The following ANOS1 variants were observed in gnomAD, a reference collection of about 807,000 sequenced individuals.
ANOS1 encodes the protein anosmin-1.
In ANOS1, 6 loss-of-function variants were observed where a neutral mutation model predicts 59.0. That is an observed-to-expected ratio of 0.10 (90% CI 0.06 to 0.20). The LOEUF (loss-of-function observed/expected upper bound fraction) is 0.20, where lower values mean the gene tolerates loss of function less well. Ranked by LOEUF, ANOS1 falls within the 10% of genes least tolerant of loss-of-function variation. The pLI is 1.00. For missense variants in ANOS1, 433 were observed against 542.3 expected (o/e 0.80, Z 2.00); for synonymous variants, 217 against 223.4 (o/e 0.97, Z 0.25).
At chrX:8,548,097 C>T (rs1482348652) in intron 9 of ANOS1, among the ~76,000 whole-genome samples, 3 of 112,408 alleles carry the variant, frequency 2.7e-5, no homozygotes, top group Admixed American at 9.4e-5. Context: ...CATCTAAAGA[C>T]TCTTATTACT....
chrX:8,572,536 GA>G (rs1293235203), intron 6 of ANOS1, among the ~76,000 whole-genome samples: 3 of 112,129 alleles, frequency 2.7e-5, no homozygotes, highest in Non-Finnish European at 3.8e-5. Context: ...GTCTACTGTT[GA>G]TGGGCATTTG....
At chrX:8,608,107 G>T (rs1930974810) in intron 3 of ANOS1, among the ~76,000 whole-genome samples, 1 of 111,583 alleles carries the variant, frequency 9.0e-6, no homozygotes, top group African/African-American at 3.3e-5. Flanking sequence ...GTACAATTTG[G>T]GGGGCAAAAT....
At chrX:8,727,738 C>A (rs1037153337) in intron 1 of ANOS1, among the ~76,000 whole-genome samples, 1 of 112,368 alleles carries the variant, frequency 8.9e-6, no homozygotes, top group South Asian at 3.7e-4. Flanking sequence ...GTTCCCTGGG[C>A]ACACCCCAAA....
chrX:8,585,214 G>A, intron 6 of ANOS1, 53 bp downstream of exon 6: 1 of 1,160,842 alleles, frequency 8.6e-7, no homozygotes, highest in Non-Finnish European at 1.2e-6. Flanking sequence ...CATTCCATGT[G>A]TGCCTGGTAG....
At chrX:8,587,724 T>C in intron 5 of ANOS1, 70 bp downstream of exon 5, 1 of 896,284 alleles carries the variant, frequency 1.1e-6, no homozygotes, top group Admixed American at 2.6e-5. Flanking sequence ...AGCAAGTTAA[T>C]TTTTTGTGCG....
chrX:8,578,111 G>A (rs895350982), intron 6 of ANOS1, among the ~76,000 whole-genome samples: 25 of 110,769 alleles, frequency 2.3e-4, no homozygotes, highest in African/African-American at 6.9e-4. Flanking sequence ...ATTAAACTTC[G>A]CACTGAAACG....
At chrX:8,699,370 AT>A (rs1932729349) in intron 2 of ANOS1, among the ~76,000 whole-genome samples, 1 of 112,024 alleles carries the variant, frequency 8.9e-6, no homozygotes, top group Non-Finnish European at 1.9e-5. Flanking sequence ...ACCAGAGGGC[AT>A]TTTCTTCTTA....
chrX:8,593,768 T>C lies in ANOS1; in HGVS notation c.541+3266A>G, dbSNP rs529217169. Among the ~76,000 whole-genome samples, 27 of 111,222 alleles carry C rather than the reference T, an allele frequency of 2.4e-4. 1 individual carries two copies. The South Asian group carries it at 0.01, about 43-fold the overall frequency. ...GGCTCATTGTAACCTCGAATTCCTG[T>C]GCTCAAATGATCCTCCCACCTCAGC... On this transcript the variant is annotated intron_variant, in intron 4 of 13. Transcript: ENST00000262648.
At chrX:8,664,550 TC>T (rs758913972) in intron 2 of ANOS1, among the ~76,000 whole-genome samples, 1 of 110,192 alleles carries the variant, frequency 9.1e-6, no homozygotes, top group Non-Finnish European at 1.9e-5. Flanking sequence ...ATACAGAAAT[TC>T]CAGCCACTAC....
At position 8,714,527 on chromosome X, in the gene ANOS1, G is replaced by A. The variant is rs781530329; in HGVS notation, c.208-14782C>T. ...AAAAATCTAATTGAAAAAACGTACC[G>A]TGCCCCAGAGATAAAAACTATTATT... On this transcript the variant is annotated intron_variant, in intron 1 of 13. Transcript: ENST00000262648. 4.5e-5 allele frequency among the ~76,000 whole-genome samples: 5 copies of A among 110,881 alleles called. No homozygotes were observed. The East Asian group carries it at 1.1e-3, about 25-fold the overall frequency.
At chrX:8,544,070 A>G (rs1225007058) in intron 9 of ANOS1, among the ~76,000 whole-genome samples, 51 of 109,445 alleles carry the variant, frequency 4.7e-4, no homozygotes, top group Non-Finnish European at 8.2e-4. Context: ...TTCAAAAATT[A>G]GATGGGTCTA....
chrX:8,705,178 T>C (rs372036305), intron 1 of ANOS1, among the ~76,000 whole-genome samples: 8 of 111,396 alleles, frequency 7.2e-5, no homozygotes, highest in African/African-American at 2.3e-4. Flanking sequence ...TTGCGGATTG[T>C]TCACCATTTT....
intron 3 of ANOS1, among the ~76,000 whole-genome samples, chrX:8,608,495 AG>A (rs1800546619): frequency 9.0e-6 from 1 of 111,448 alleles, no homozygotes. Context: ...CCAAGATACA[AG>A]AAAAAAAAAT....
intron 6 of ANOS1, among the ~76,000 whole-genome samples, chrX:8,571,238 T>C (rs900010227): frequency 9.0e-6 from 1 of 111,553 alleles, no homozygotes; most frequent in Admixed American, 9.5e-5. Context: ...TGGTCCAAAT[T>C]TGTAATACAG....
chrX:8,688,043 C>T (rs1932550601), intron 2 of ANOS1, among the ~76,000 whole-genome samples: 1 of 112,189 alleles, frequency 8.9e-6, no homozygotes, highest in African/African-American at 3.2e-5. Flanking sequence ...TAGACTTGAA[C>T]CTCATTCCAA....
chrX:8,674,610 A>G (rs1181765828), intron 2 of ANOS1, among the ~76,000 whole-genome samples: 2 of 112,367 alleles, frequency 1.8e-5, no homozygotes, highest in Admixed American at 1.9e-4. Context: ...AAAAAATTGC[A>G]AAAAAACTCA....
chrX:8,550,435 G>A (rs1048489590), intron 9 of ANOS1, among the ~76,000 whole-genome samples: 11 of 111,404 alleles, frequency 9.9e-5, no homozygotes, highest in East Asian at 2.8e-4. Context: ...ATTGACACGT[G>A]GATGAATTCA....
intron 3 of ANOS1, among the ~76,000 whole-genome samples, chrX:8,620,310 G>C (rs750293185): frequency 8.9e-6 from 1 of 112,008 alleles, no homozygotes; most frequent in Non-Finnish European, 1.9e-5. Context: ...TTTGCCTTGC[G>C]AGTCATGGTT....
intron 1 of ANOS1, among the ~76,000 whole-genome samples, chrX:8,728,570 C>G (rs1464082620): frequency 2.7e-5 from 3 of 111,897 alleles, no homozygotes; most frequent in African/African-American, 9.8e-5. Context: ...CCATACCTCA[C>G]AGACCCACAG....
Sources: allele counts gnomAD v4.1 joint callset (sites outside exome capture counted in the v4.1 genomes callset), GRCh38; gene constraint gnomAD v4.1.1; transcripts MANE v1.5; gene names NCBI Gene and HGNC (gene_info 2026-07-23, HGNC 2026-07-21).